Variants in PTK2 observed in about 807,000 individuals in gnomAD.
The protein encoded by PTK2 is protein tyrosine kinase 2.
Under a neutral mutation model 150.1 loss-of-function variants are expected in PTK2, and 45 were observed. That is an observed-to-expected ratio of 0.30 (90% CI 0.24 to 0.38). The LOEUF is 0.38. Ranked by LOEUF, PTK2 falls within the 10% of genes least tolerant of loss-of-function variation. The pLI, the probability that PTK2 is intolerant of heterozygous loss-of-function variation, is 1.00. For synonymous variants in PTK2, 432 were observed against 449.2 expected (o/e 0.96, Z 0.48); for missense variants, 919 against 1,307.3 (o/e 0.70, Z 4.58).
intron 7 of PTK2, among the ~76,000 whole-genome samples, chr8:140,842,822 C>T (rs1567377867): frequency 1.3e-5 from 2 of 152,122 alleles, no homozygotes; most frequent in Admixed American, 6.5e-5. Flanking sequence ...TTTTAACTAT[C>T]ATATTTACTT....
chr8:140,890,869 A>G (rs2100154000), intron 2 of PTK2, 100 bp from the exon 3 acceptor site: 3 of 995,934 alleles, frequency 3.0e-6, no homozygotes, highest in African/African-American at 3.7e-5. Flanking sequence ...CTCTCTCTTG[A>G]TATGTTATAT....
chr8:140,714,775 C>A (rs1476956306), intron 23 of PTK2, among the ~76,000 whole-genome samples: 5 of 97,566 alleles, frequency 5.1e-5, no homozygotes, highest in African/African-American at 8.3e-5. Flanking sequence ...CCAGCCCGGG[C>A]AATAGAGCAA....
At chr8:140,679,317 G>A (rs1056398643) in intron 27 of PTK2, among the ~76,000 whole-genome samples, 2 of 151,970 alleles carry the variant, frequency 1.3e-5, no homozygotes, top group South Asian at 2.1e-4. Context: ...GAGCCACCGC[G>A]CCTGGCCCCA....
intron 7 of PTK2, among the ~76,000 whole-genome samples, chr8:140,841,106 G>C (rs918252012): frequency 5.9e-5 from 9 of 152,068 alleles, no homozygotes; most frequent in Admixed American, 5.9e-4. Context: ...GGAAGAAATT[G>C]GCAAAGTCAT....
chr8:140,744,055 C>T (rs2100057278), intron 19 of PTK2, among the ~76,000 whole-genome samples: 1 of 77,974 alleles, frequency 1.3e-5, no homozygotes, highest in African/African-American at 9.0e-5. Flanking sequence ...GGGACTACAG[C>T]TATGAGCCAC....
chr8:140,892,224 A>AACAC (rs1053043536), intron 2 of PTK2, among the ~76,000 whole-genome samples: 11 of 151,550 alleles, frequency 7.3e-5, no homozygotes, highest in Middle Eastern at 3.5e-3. Flanking sequence ...CAAACGAACA[A>AACAC]ACACACACAC....
intron 27 of PTK2, among the ~76,000 whole-genome samples, chr8:140,680,006 A>G (rs1394010431): frequency 6.6e-6 from 1 of 152,346 alleles, no homozygotes; most frequent in East Asian, 1.9e-4. Context: ...CTACCGGTGC[A>G]TAAATGGGGG....
Position 140,957,063 on chromosome 8 carries a change from AAAAC to A in PTK2, c.-121-31318_-121-31315del, listed in dbSNP as rs1334024940. Among the ~76,000 whole-genome samples, 9 of 152,260 alleles carry A rather than the reference AAAAC, an allele frequency of 5.9e-5. No individual in the cohort carries two copies. In the East Asian group the frequency reaches 7.7e-4, roughly 13 times the overall value. Reference sequence around the variant, plus strand: ...GCAACAAGAGCAAAACTCCATCACAAAAACAAACAAACAAACAAATGAAATGATA... The same window carrying A: ...GCAACAAGAGCAAAACTCCATCACAAAAACAAACAAACAAATGAAATGATA... On this transcript the variant is annotated intron_variant, in intron 1 of 31. Transcript: ENST00000522684.
chr8:140,675,541 A>G (rs2100013122), intron 27 of PTK2, 42 bp from the exon 31 acceptor site: 2 of 1,493,932 alleles, frequency 1.3e-6, no homozygotes, highest in African/African-American at 2.8e-5. Context: ...TGGTATATAC[A>G]CTTGGGCAAT....
In PTK2 at chr8:140,820,898, G is replaced by A. The variant is rs899683878; in HGVS notation, c.649-1878C>T. On this transcript the variant is annotated intron_variant, in intron 8 of 31. Transcript: ENST00000522684. The stretch of plus-strand genomic sequence containing the variant: ...ACATGGGGAGCAGCCAGGGGCCCAG[G>A]TTGAGGTGTGGCTGCTAAGTCAGGT... 7.9e-5 allele frequency: 12 copies of A among 152,298 alleles called. 1 individual carries two copies. The East Asian group carries it at 2.1e-3, about 27-fold the overall frequency. 9.4% of individuals were successfully genotyped at this position (152,298 alleles called of 1,614,324 possible). A position where few individuals can be genotyped will look rare whatever the true frequency, so the allele number is the denominator to read the frequency against.
chr8:140,720,125 A>C (rs1209246564), intron 22 of PTK2, among the ~76,000 whole-genome samples: 1 of 151,978 alleles, frequency 6.6e-6, no homozygotes, highest in Non-Finnish European at 1.5e-5. Flanking sequence ...CAAGCACATA[A>C]TGTTTGTGTG....
At chr8:140,893,647 G>C (rs963401108) in intron 2 of PTK2, among the ~76,000 whole-genome samples, 1 of 152,150 alleles carries the variant, frequency 6.6e-6, no homozygotes, top group Non-Finnish European at 1.5e-5. Flanking sequence ...AGTTGGGAAG[G>C]ACTGCTAATA....
intron 5 of PTK2, among the ~76,000 whole-genome samples, chr8:140,859,666 G>A (rs543115103): frequency 2.0e-5 from 3 of 152,250 alleles, no homozygotes; most frequent in African/African-American, 4.8e-5. Context: ...CAATACTTAC[G>A]TAACGTTTCA....
At chr8:140,866,922 T>C (rs1241861128) in intron 4 of PTK2, among the ~76,000 whole-genome samples, 1 of 152,196 alleles carries the variant, frequency 6.6e-6, no homozygotes, top group Non-Finnish European at 1.5e-5. Flanking sequence ...GATATGATGA[T>C]ATCTGAACAA....
intron 16 of PTK2, among the ~76,000 whole-genome samples, chr8:140,759,849 A>C (rs561568795): frequency 5.1e-4 from 76 of 149,772 alleles, no homozygotes; most frequent in African/African-American, 1.3e-3. Context: ...TCTCTCACCC[A>C]CACACACACA....
At chr8:140,878,358 G>A (rs2100146915) in intron 4 of PTK2, among the ~76,000 whole-genome samples, 1 of 152,290 alleles carries the variant, frequency 6.6e-6, no homozygotes, top group African/African-American at 2.4e-5. Context: ...CCAACACTTT[G>A]GGAGGCCAAG....
chr8:140,965,521 C>G (rs2100184943), intron 1 of PTK2, among the ~76,000 whole-genome samples: 1 of 152,168 alleles, frequency 6.6e-6, no homozygotes, highest in Non-Finnish European at 1.5e-5. Context: ...TGTGGTGAAG[C>G]TTACTAGAGA....
At chr8:140,691,151 T>C (rs1324831318) in intron 26 of PTK2, among the ~76,000 whole-genome samples, 1 of 150,172 alleles carries the variant, frequency 6.7e-6, no homozygotes, top group Non-Finnish European at 1.5e-5. Flanking sequence ...TCCCTGATTA[T>C]TTCCCTGGGA....
chr8:140,717,672 G>A (rs756149985), exon 23 of PTK2: 1 of 1,614,022 alleles, frequency 6.2e-7, no homozygotes, highest in South Asian at 1.1e-5. Flanking sequence ...ATCCTCATGC[G>A]CTCTTCTTGC....
Sources: gnomAD v4.1 joint callset for allele counts (sites outside exome capture counted in the v4.1 genomes callset) on GRCh38, gnomAD v4.1.1 for gene constraint, MANE v1.5 for transcripts, NCBI Gene and HGNC (gene_info 2026-07-23, HGNC 2026-07-21) for gene names.